The following HLTF variants were observed in gnomAD, a reference collection of about 807,000 sequenced individuals.
HLTF encodes the protein helicase like transcription factor, also known as DNA-dependent ATPase/E3 ubiquitin-protein ligase HLTF.
A neutral mutation model predicts 129.4 loss-of-function variants in HLTF; 127 were observed. The observed-to-expected ratio is 0.98, with a 90% CI of 0.85 to 1.14. HLTF has a LOEUF of 1.14. HLTF is among the 50% of genes most tolerant of loss of function. The pLI is 0.00. For synonymous variants in HLTF, 332 were observed against 388.8 expected, an observed-to-expected ratio of 0.85 and a Z score of 1.72; for missense variants, 1,139 against 1,187.1, an observed-to-expected ratio of 0.96 and a Z score of 0.60.
intron 3 of HLTF, among the ~76,000 whole-genome samples, chr3:149,075,458 T>A (rs542686199): frequency 9.9e-5 from 15 of 152,280 alleles, no homozygotes; most frequent in Admixed American, 7.2e-4. Flanking sequence ...CAGGGAGAGT[T>A]GCTTGAACCC....
At chr3:149,074,478 G>A in intron 3 of HLTF, 130 bp from the exon 4 acceptor site, 3 of 783,458 alleles carry the variant, frequency 3.8e-6, no homozygotes, top group Non-Finnish European at 3.7e-6. Context: ...GAACTAGTTG[G>A]GCAGACTTGA....
At chr3:149,061,305 G>A (rs1717926163) in intron 10 of HLTF, among the ~76,000 whole-genome samples, 1 of 151,970 alleles carries the variant, frequency 6.6e-6, no homozygotes, top group Non-Finnish European at 1.5e-5. Context: ...CAGCTACTCG[G>A]GAGGCTGAGG....
intron 2 of HLTF, among the ~76,000 whole-genome samples, chr3:149,078,958 A>G (rs1196250949): frequency 6.6e-6 from 1 of 152,236 alleles, no homozygotes; most frequent in African/African-American, 2.4e-5. Context: ...CCAAACAGCA[A>G]TTCTAGAGTC....
In HLTF at chr3:149,041,592, C is replaced by T; in HGVS notation, c.2274G>A (p.Glu758=). The T allele has an allele frequency of 6.2e-7, 1 of 1,611,748 alleles. No homozygotes were observed. Among genetic ancestry groups the T allele is most frequent in the Non-Finnish European group, 8.5e-7 (1 of 1,178,000 alleles). ...AAGAATCCAGGCAAATTGCACATTC[C>T]TCATCTGAACCTGAGCTCAGAATTA... ...MKLILSSGSD[E]ECAICLDSLT... is the part of the protein sequence containing the mutation. The change falls in exon 20 of 25, where the codon GAG becomes GAA. Residue 758 remains glutamate, a synonymous_variant. Transcript: ENST00000310053.
At chr3:149,056,106 G>A (rs114381999) in intron 13 of HLTF, among the ~76,000 whole-genome samples, 2,738 of 152,218 alleles carry the variant, frequency 0.018, 87 homozygotes, top group African/African-American at 0.062. Flanking sequence ...TTCAGATGAC[G>A]GCGGCCCCTG....
At chr3:149,067,488 T>C (rs1718486852) in intron 8 of HLTF, among the ~76,000 whole-genome samples, 1 of 152,108 alleles carries the variant, frequency 6.6e-6, no homozygotes, top group Non-Finnish European at 1.5e-5. Flanking sequence ...ATGTTTCAAA[T>C]TGTCCACCTT....
At chr3:149,084,585 A>G in intron 2 of HLTF, 97 bp downstream of exon 2, 1 of 864,296 alleles carries the variant, frequency 1.2e-6, no homozygotes, top group South Asian at 1.7e-5. Context: ...TTAAAGTAAA[A>G]TAAAGATTAA....
chr3:149,036,040 C>A (rs1715585540), intron 23 of HLTF, among the ~76,000 whole-genome samples: 3 of 151,186 alleles, frequency 2.0e-5, no homozygotes, highest in African/African-American at 7.3e-5. Context: ...GAGGCTGAGG[C>A]AGGAGAATGG....
chr3:149,046,926 A>T (rs1041206909), intron 17 of HLTF, among the ~76,000 whole-genome samples: 1 of 152,212 alleles, frequency 6.6e-6, no homozygotes, highest in Non-Finnish European at 1.5e-5. Flanking sequence ...AATCAAGTGG[A>T]TAGTACTGCC....
In HLTF at chr3:149,085,036, G is replaced by A. The variant is rs148086460; in HGVS notation, c.21-147C>T. 2.6e-5 allele frequency: 17 copies of A among 648,074 alleles called. No homozygotes were observed. The African/African-American group carries it at 2.7e-4, about 10-fold the overall frequency. 40.1% of individuals were successfully genotyped at this position (648,074 alleles called of 1,614,324 possible). A position where few individuals can be genotyped will look rare whatever the true frequency, so the allele number is the denominator to read the frequency against. On this transcript the variant is annotated intron_variant, in intron 1 of 24. Transcript: ENST00000310053. ...ATTAATAGTTACTCTCGTTAAAGCA[G>A]GAATTGCAGTGAGTGGAGAAGGCTT...
intron 23 of HLTF, among the ~76,000 whole-genome samples, chr3:149,037,134 A>C (rs184816504): frequency 1.5e-3 from 231 of 152,278 alleles, no homozygotes; most frequent in African/African-American, 5.2e-3. Context: ...AAAATACTGC[A>C]AACAAAGATT....
intron 23 of HLTF, among the ~76,000 whole-genome samples, chr3:149,036,611 A>G (rs1281992151): frequency 6.6e-6 from 1 of 152,024 alleles, no homozygotes; most frequent in Non-Finnish European, 1.5e-5. Context: ...TACTTATACA[A>G]TGTTCAATGA....
At chr3:149,061,741 CAGG>C (rs1559871507) in intron 10 of HLTF, among the ~76,000 whole-genome samples, 1 of 150,020 alleles carries the variant, frequency 6.7e-6, no homozygotes, top group Non-Finnish European at 1.5e-5. Context: ...GAGGCTGAGG[CAGG>C]AGAATTGCTT....
intron 9 of HLTF, among the ~76,000 whole-genome samples, chr3:149,064,046 G>A (rs74739643): frequency 0.016 from 2,369 of 152,072 alleles, 69 homozygotes; most frequent in African/African-American, 0.055. Context: ...AAATGAGAAG[G>A]TATCTTCCAT....
rs139300020 is a variant in HLTF, at chr3:149,068,277, A to G, written c.953T>C (p.Leu318Pro). The G allele has an allele frequency of 6.8e-5, 107 of 1,570,346 alleles. No homozygotes were observed. The highest frequency in any genetic ancestry group is 9.3e-5 in the Non-Finnish European group (107 of 1,145,068). The change falls in exon 8 of 25, where the codon CTT becomes CCT. Residue 318 changes from leucine (L) to proline (P), a missense_variant. Physicochemically the swap from Leu to Pro is moderately conservative, Grantham distance 98. Transcript: ENST00000310053. ...ILTNFHDGRP[L>P]PIERVKKNLL... ...ATTCTTTTTAACTCTTTCAATAGGAAGAGGTCTGCCATCATGGAAGTTGGT... is the reference window on the plus strand; with the variant it reads ...ATTCTTTTTAACTCTTTCAATAGGAGGAGGTCTGCCATCATGGAAGTTGGT...
In HLTF at chr3:149,086,298, C is replaced by A; in HGVS notation, c.20+19G>T. ...CCAGGCCGTTAGACCGAGCGCCCCACCCCCTCCGCCCCCTTCACCTCTTGA... is the reference window on the plus strand; with the variant it reads ...CCAGGCCGTTAGACCGAGCGCCCCAACCCCTCCGCCCCCTTCACCTCTTGA... On this transcript the variant is annotated intron_variant, in intron 1 of 24. Transcript: ENST00000310053. 6.2e-7 allele frequency: 1 copy of A among 1,601,210 alleles called. No homozygotes were observed. The highest frequency in any genetic ancestry group is 8.5e-7 in the Non-Finnish European group (1 of 1,173,532).
At chr3:149,057,067 G>A (rs1357956756) in intron 13 of HLTF, among the ~76,000 whole-genome samples, 1 of 123,984 alleles carries the variant, frequency 8.1e-6, no homozygotes, top group African/African-American at 3.2e-5. Context: ...CCGAGATTGC[G>A]CCACTGCACT....
Position 149,040,054 on chromosome 3 carries a change from T to C in HLTF, c.2479A>G (p.Met827Val). 1.2e-6 allele frequency: 2 copies of C among 1,611,596 alleles called. No individual in the cohort carries two copies. Among genetic ancestry groups the C allele is most frequent in the Non-Finnish European group, 1.7e-6 (2 of 1,179,160 alleles). The stretch of plus-strand genomic sequence containing the variant: ...ACCTTTGAACTGGATGTCCATTCCA[T>C]ATCAGACTTTTTCTCACTGTCACGT... ...LARDSEKKSD[M>V]EWTSSSKINA... The change falls in exon 21 of 25, where the codon ATG (methionine) becomes GTG (valine). Residue 827 changes from methionine (M) to valine (V), a missense_variant. Met to Val is a conservative substitution (Grantham distance 21, BLOSUM62 1). Transcript: ENST00000310053.
At chr3:149,043,622 C>T (rs1385575022) in intron 18 of HLTF, among the ~76,000 whole-genome samples, 1 of 147,392 alleles carries the variant, frequency 6.8e-6, no homozygotes, top group Non-Finnish European at 1.5e-5. Context: ...ACAATGACAA[C>T]ATAGATTCTT....
Sources: gnomAD v4.1 joint callset for allele counts (sites outside exome capture counted in the v4.1 genomes callset) on GRCh38, gnomAD v4.1.1 for gene constraint, MANE v1.5 for transcripts, NCBI Gene and HGNC (gene_info 2026-07-23, HGNC 2026-07-21) for gene names.